C2orf42: variants seen among roughly 807,000 people sequenced by gnomAD.
C2orf42 encodes the protein uncharacterized protein C2orf42.
A neutral mutation model predicts 58.9 loss-of-function variants in C2orf42; 44 were observed. The observed-to-expected ratio is 0.75, with a 90% CI of 0.59 to 0.96. The LOEUF is 0.96. C2orf42 is among the 40% of genes least tolerant of loss of function. The pLI, the probability that C2orf42 is intolerant of heterozygous loss-of-function variation, is 0.00. For synonymous variants in C2orf42, 239 were observed against 265.4 expected (o/e 0.90, Z 0.97); for missense variants, 630 against 699.2 (o/e 0.90, Z 1.12).
intron 5 of C2orf42, among the ~76,000 whole-genome samples, chr2:70,171,952 G>T (rs1413073013): frequency 6.6e-6 from 1 of 151,934 alleles, no homozygotes; most frequent in East Asian, 1.9e-4. Flanking sequence ...GCTGGGTGCA[G>T]TGGCTCACGC....
At chr2:70,168,583 C>T (rs879390739) in intron 6 of C2orf42, among the ~76,000 whole-genome samples, 4 of 151,204 alleles carry the variant, frequency 2.6e-5, no homozygotes, top group Admixed American at 1.3e-4. Context: ...CCACCGCACC[C>T]GGCTGCTAAT....
Position 70,181,168 on chromosome 2 carries a change from GA to G in C2orf42, c.817del (p.Ser273ProfsTer12). On this transcript the variant is annotated frameshift_variant, in exon 3 of 10. Coordinates refer to ENST00000264434, the MANE Select transcript of C2orf42 (RefSeq NM_017880.3). LOFTEE classifies it high-confidence loss of function. ...ACATCAACCATACCACCTACCGCTG[GA>G]ATCAAAATTTAGGAAGTCTGAGAAT... ...QEFSDFLNFD[S>X]SGLKEIIVPQ... 6.5e-7 allele frequency: 1 copy of G among 1,549,176 alleles called. No homozygotes were observed. Among genetic ancestry groups the G allele is most frequent in the Non-Finnish European group, 8.8e-7 (1 of 1,142,320 alleles).
At chr2:70,162,660 T>C (rs375210267) in intron 8 of C2orf42, among the ~76,000 whole-genome samples, 120 of 151,780 alleles carry the variant, frequency 7.9e-4, no homozygotes, top group African/African-American at 2.5e-3. Flanking sequence ...AAAAAAATAG[T>C]AGGGGCCTCG....
chr2:70,165,210 G>A lies in C2orf42; in HGVS notation c.1253-18C>T, dbSNP rs1395256391. 1.4e-5 allele frequency: 19 copies of A among 1,396,718 alleles called. No homozygotes were observed. The highest frequency in any genetic ancestry group is 1.8e-5 in the Non-Finnish European group (18 of 989,178). 86.5% of individuals were successfully genotyped at this position (1,396,718 alleles called of 1,614,324 possible). On this transcript the variant is annotated intron_variant, in intron 7 of 9. Coordinates refer to ENST00000264434, the MANE Select transcript of C2orf42 (RefSeq NM_017880.3). ...AACAAAAGCTTCAACGTGAAAAAAG[G>A]ACAAAATTAGATTACCAAAAAATAA...
chr2:70,176,090 T>C (rs1674172807), intron 4 of C2orf42, among the ~76,000 whole-genome samples: 2 of 152,216 alleles, frequency 1.3e-5, no homozygotes, highest in Admixed American at 1.3e-4. Flanking sequence ...GTTATTGGTT[T>C]TGTGATTTTT....
chr2:70,155,462 G>A (rs1672602074), intron 9 of C2orf42, among the ~76,000 whole-genome samples: 1 of 152,010 alleles, frequency 6.6e-6, no homozygotes. Flanking sequence ...TGCTCTGTCA[G>A]ATCAAAGATT....
At chr2:70,185,626 G>A (rs1573042234) in intron 1 of C2orf42, among the ~76,000 whole-genome samples, 1 of 151,640 alleles carries the variant, frequency 6.6e-6, no homozygotes, top group Non-Finnish European at 1.5e-5. Flanking sequence ...CATGAGAATT[G>A]CTTGAACACA....
At chr2:70,170,752 A>G (rs1229900666) in intron 5 of C2orf42, among the ~76,000 whole-genome samples, 2 of 148,350 alleles carry the variant, frequency 1.3e-5, no homozygotes, top group African/African-American at 2.5e-5. Context: ...ACTCTAAAAA[A>G]AAAAAAAGAA....
rs1674807776 is a variant in C2orf42 at position 70,184,660 on chromosome 2, TA to T, written c.-281-1726del. On this transcript the variant is annotated intron_variant, in intron 1 of 9. Transcript: ENST00000264434. ...TACACTCAGCTAATTATAAATTTTTTATAGAGATGGGGGTCTCACTATGTTG... is the reference window on the plus strand; with the variant it reads ...TACACTCAGCTAATTATAAATTTTTTTAGAGATGGGGGTCTCACTATGTTG... 3.3e-5 allele frequency among the ~76,000 whole-genome samples: 5 copies of T among 151,768 alleles called. No homozygotes were observed. In the South Asian group the frequency reaches 1.0e-3, roughly 32 times the overall value.
rs748540705 is a variant in C2orf42, at chr2:70,181,946, A to G, written c.40T>C (p.Leu14=). 6.2e-7 allele frequency: 1 copy of G among 1,613,664 alleles called. No individual in the cohort carries two copies. The highest frequency in any genetic ancestry group is 1.7e-5 in the Admixed American group (1 of 59,906). The change falls in exon 3 of 10, where the codon TTA becomes CTA. Residue 14 remains leucine (L), a synonymous_variant. Coordinates refer to ENST00000264434, the MANE Select transcript of C2orf42 (RefSeq NM_017880.3). Reference sequence around the variant, plus strand: ...AATGTGGCCTTCCCCAAATCAGATAAGAAAGCTGGGACTTTAGTCCTCAGA... The same window carrying G: ...AATGTGGCCTTCCCCAAATCAGATAGGAAAGCTGGGACTTTAGTCCTCAGA... The part of the protein sequence containing the change: ...NSLRTKVPAF[L]SDLGKATLRG...
At chr2:70,152,772 C>T (rs1182133575) in intron 9 of C2orf42, among the ~76,000 whole-genome samples, 1 of 152,120 alleles carries the variant, frequency 6.6e-6, no homozygotes, top group African/African-American at 2.4e-5. Flanking sequence ...CAGTCGCTCA[C>T]GTCTGTAAAC....
chr2:70,179,747 C>A (rs555838335), intron 3 of C2orf42, 105 bp from the exon 4 acceptor site: 2 of 463,530 alleles, frequency 4.3e-6, no homozygotes, highest in African/African-American at 2.0e-5. Flanking sequence ...ATCCCCCAAA[C>A]GAATTATCCC....
intron 8 of C2orf42, among the ~76,000 whole-genome samples, chr2:70,163,157 C>T (rs1049582598): frequency 7.9e-5 from 12 of 151,902 alleles, no homozygotes; most frequent in South Asian, 6.2e-4. Flanking sequence ...TGTGAGCCAC[C>T]GTGCGCGGCC....
chr2:70,160,193 G>A (rs1672964013), intron 9 of C2orf42, among the ~76,000 whole-genome samples: 1 of 150,196 alleles, frequency 6.7e-6, no homozygotes, highest in African/African-American at 2.5e-5. Context: ...AGGCTGGAGT[G>A]CAGTGGTGAG....
At position 70,181,290 on chromosome 2, in the gene C2orf42, G is replaced by C. The variant is rs1375995397; in HGVS notation, c.696C>G (p.His232Gln). Residue 232 changes from histidine to glutamine, a missense_variant, in exon 3 of 10, where the codon CAC (histidine) becomes CAG (glutamine). By Grantham distance (24) the His-to-Gln change is conservative. Coordinates refer to ENST00000264434, the MANE Select transcript of C2orf42 (RefSeq NM_017880.3). ...FFCSCQTLKS[H>Q]KSNASKDETA... ...TCTCATCCTTGGAGGCATTTGACTT[G>C]TGCGATTTCAGAGTCTGACAGGAGC... The C allele has an allele frequency of 1.2e-6, 2 of 1,613,948 alleles. No homozygotes were observed. Among genetic ancestry groups the C allele is most frequent in the Non-Finnish European group, 1.7e-6 (2 of 1,179,860 alleles).
intron 1 of C2orf42, among the ~76,000 whole-genome samples, chr2:70,187,015 A>G (rs1207874343): frequency 2.6e-4 from 40 of 152,076 alleles, no homozygotes; most frequent in Admixed American, 2.4e-3. Context: ...ATGACGAGTT[A>G]GTGGGTGCAG....
intron 9 of C2orf42, among the ~76,000 whole-genome samples, chr2:70,154,877 T>C (rs1249665980): frequency 6.6e-6 from 1 of 151,090 alleles, no homozygotes; most frequent in Admixed American, 6.6e-5. Context: ...CACCTCAGCC[T>C]CCAAAGTAGC....
chr2:70,190,237 C>G (rs79047685), intron 1 of C2orf42: 7 of 152,330 alleles, frequency 4.6e-5, no homozygotes, highest in Admixed American at 4.6e-4. Context: ...TCAGCCTCCT[C>G]GGCGGGAGAG....
At position 70,175,785 on chromosome 2, in the gene C2orf42, A is replaced by G; in HGVS notation, c.935-8T>C. On this transcript the variant is annotated splice_region_variant and splice_polypyrimidine_tract_variant and intron_variant, in intron 4 of 9. Transcript: ENST00000264434. ...AACTGTTCATCTGTGCACCTAAACC[A>G]CAAATCATTACAGGTTTAACAATGT... 1 of 1,478,144 alleles carries G rather than the reference A, an allele frequency of 6.8e-7. No individual in the cohort carries two copies. The highest frequency in any genetic ancestry group is 9.5e-7 in the Non-Finnish European group (1 of 1,056,260). 91.6% of individuals were successfully genotyped at this position (1,478,144 alleles called of 1,614,324 possible). A position where few individuals can be genotyped will look rare whatever the true frequency, so the allele number is the denominator to read the frequency against.
Sources: allele counts gnomAD v4.1 joint callset (sites outside exome capture counted in the v4.1 genomes callset), GRCh38; gene constraint gnomAD v4.1.1; transcripts MANE v1.5; gene names NCBI Gene and HGNC (gene_info 2026-07-23, HGNC 2026-07-21).